Variants in KANSL3 observed in about 807,000 individuals in gnomAD.
The protein encoded by KANSL3 is NSL complex protein NSL3.
KANSL3 carries 16 observed loss-of-function variants against 89.2 expected under a neutral mutation model. The observed-to-expected ratio is 0.18, with a 90% CI of 0.12 to 0.27. KANSL3 has a LOEUF of 0.27. KANSL3 is among the 10% of genes least tolerant of loss of function. The pLI, the probability that KANSL3 is intolerant of heterozygous loss-of-function variation, is 1.00. For missense variants in KANSL3, 879 were observed against 1,110.6 expected (o/e 0.79, Z 2.96); for synonymous variants, 385 against 419.7 (o/e 0.92, Z 1.01).
Position 96,608,605 on chromosome 2 carries a change from C to G in KANSL3, c.1644G>C (p.Val548=), listed in dbSNP as rs1486471705. Residue 548 remains valine, a synonymous_variant, in exon 14 of 21, where the codon GTG becomes GTC. Coordinates refer to ENST00000431828, the MANE Select transcript of KANSL3 (RefSeq NM_001115016.3). ...TCTGACTGGACTTCTGGGCAGAGGT[C>G]ACTGTGGTCACTTTGGTCTTGGGAC... ...TSSPKTKVTT[V]TSAQKSSQIG... 1.2e-6 allele frequency: 2 copies of G among 1,614,018 alleles called. No homozygotes were observed.
intron 2 of KANSL3, among the ~76,000 whole-genome samples, chr2:96,635,685 C>T (rs1385277684): frequency 1.3e-5 from 2 of 152,182 alleles, no homozygotes. Context: ...CACTATTCTG[C>T]ACATGTTTAA....
intron 20 of KANSL3, chr2:96,601,297 C>A (rs1033041696): frequency 8.1e-6 from 8 of 983,292 alleles, no homozygotes; most frequent in Non-Finnish European, 9.7e-6. Context: ...AAAGAAAGAG[C>A]ATTAGCCAAG....
At position 96,608,942 on chromosome 2, in the gene KANSL3, C is replaced by T; in HGVS notation, c.1506G>A (p.Leu502=). 1 of 1,567,420 alleles carries T rather than the reference C, an allele frequency of 6.4e-7. No homozygotes were observed. Among genetic ancestry groups the T allele is most frequent in the Non-Finnish European group, 8.7e-7 (1 of 1,155,974 alleles). ...TGCCCCGCTCAGGGACTTCAAAGGC[C>T]AAGTCTCTGCGGGCCACATCGCGGG... ...KKPRDVARRD[L]AFEVPERGSR... Residue 502 remains leucine, a synonymous_variant, in exon 13 of 21, where the codon TTG becomes TTA. Coordinates refer to ENST00000431828, the MANE Select transcript of KANSL3 (RefSeq NM_001115016.3).
chr2:96,606,852 G>C (rs1252920387), intron 14 of KANSL3: 1 of 438,008 alleles, frequency 2.3e-6, no homozygotes, highest in Non-Finnish European at 4.1e-6. Flanking sequence ...CAAAGAAAGA[G>C]AGAGAAAAGA....
At chr2:96,622,930 C>A (rs2071575241) in intron 3 of KANSL3, among the ~76,000 whole-genome samples, 1 of 152,222 alleles carries the variant, frequency 6.6e-6, no homozygotes, top group Non-Finnish European at 1.5e-5. Flanking sequence ...CTTGCTCTGA[C>A]CTATCCCTAT....
intron 3 of KANSL3, among the ~76,000 whole-genome samples, chr2:96,622,674 A>G (rs1406708351): frequency 6.6e-6 from 1 of 152,196 alleles, no homozygotes; most frequent in African/African-American, 2.4e-5. Context: ...GCTAAAAGCC[A>G]AAGTCCTTGC....
Position 96,619,905 on chromosome 2 carries a change from C to A in KANSL3, c.387-143G>T, listed in dbSNP as rs150487558. The A allele has an allele frequency of 5.7e-4, 369 of 652,862 alleles. 1 individual carries two copies. The highest frequency in any genetic ancestry group is 2.1e-3 in the Middle Eastern group (6 of 2,914). 40.4% of individuals were successfully genotyped at this position (652,862 alleles called of 1,614,324 possible). Reference sequence around the variant, plus strand: ...AAGTAGCTTAGTCTAAGACCACTGACCTAAAACACAAGACCTAGATTCTTC... The same window carrying A: ...AAGTAGCTTAGTCTAAGACCACTGAACTAAAACACAAGACCTAGATTCTTC... On this transcript the variant is annotated intron_variant, in intron 3 of 20. Transcript: ENST00000431828.
chr2:96,602,170 C>T lies in KANSL3; in HGVS notation c.2428G>A (p.Ala810Thr), dbSNP rs1252975092. The T allele has an allele frequency of 6.2e-7, 1 of 1,600,994 alleles. No homozygotes were observed. The highest frequency in any genetic ancestry group is 8.5e-7 in the Non-Finnish European group (1 of 1,174,012). The change falls in exon 19 of 21, where the codon GCT becomes ACT. Residue 810 changes from alanine (A) to threonine (T), a missense_variant. Coordinates refer to ENST00000431828, the MANE Select transcript of KANSL3 (RefSeq NM_001115016.3). ...CCAGGGAGGCTGCTTGCCAACTTAG[C>T]GAGGCCCCCATTGGTCAGCAGCTGG... ...IHQLLTNGGLAKLASSLPGLA... is the reference protein window; with the variant it reads ...IHQLLTNGGLTKLASSLPGLA...
the KANSL3 span, among the ~76,000 whole-genome samples, chr2:96,584,700 AT>A: frequency 5.3e-5 from 8 of 151,902 alleles, no homozygotes; most frequent in African/African-American, 7.2e-5. Flanking sequence ...AAATGACAGA[AT>A]TTTTTTTTAA....
chr2:96,619,619 A>C, intron 4 of KANSL3, 53 bp downstream of exon 4: 1 of 1,602,458 alleles, frequency 6.2e-7, no homozygotes, highest in Non-Finnish European at 8.5e-7. Context: ...TCAGTCAGCC[A>C]GTGAGGCCTG....
intron 14 of KANSL3, chr2:96,607,155 T>G (rs1207610751): frequency 3.7e-6 from 2 of 534,548 alleles, no homozygotes; most frequent in African/African-American, 4.0e-5. Context: ...GGGCTCCTTC[T>G]GAAATTACTG....
the KANSL3 span, among the ~76,000 whole-genome samples, chr2:96,580,582 G>C: frequency 1.3e-5 from 2 of 152,304 alleles, no homozygotes; most frequent in Admixed American, 6.5e-5. Flanking sequence ...TGGAGCAGAA[G>C]GATAGTGTGG....
At chr2:96,609,360 T>G (rs530653476) in intron 12 of KANSL3, 139 bp downstream of exon 12, 10 of 773,894 alleles carry the variant, frequency 1.3e-5, no homozygotes, top group African/African-American at 1.2e-4. Context: ...CATTTTTCTT[T>G]TCTTTGCTTA....
chr2:96,615,517 C>T, intron 5 of KANSL3: 1 of 1,287,356 alleles, frequency 7.8e-7, no homozygotes, highest in Non-Finnish European at 1.0e-6. Context: ...CTGCGAATTC[C>T]ATGCTACCCA....
At chr2:96,584,612 G>T in the KANSL3 span, among the ~76,000 whole-genome samples, 1 of 152,220 alleles carries the variant, frequency 6.6e-6, no homozygotes, top group Non-Finnish European at 1.5e-5. Context: ...GCTCCTACCT[G>T]TGGGTGAGAA....
intron 20 of KANSL3, chr2:96,601,314 C>T: frequency 1.0e-6 from 1 of 984,874 alleles, no homozygotes; most frequent in African/African-American, 1.7e-5. Flanking sequence ...CAAGTAGCCT[C>T]TACTCATAAC....
chr2:96,599,718 C>CACT, intron 20 of KANSL3: 2 of 608,322 alleles, frequency 3.3e-6, no homozygotes, highest in Non-Finnish European at 4.1e-6. Context: ...TATACAAAGC[C>CACT]ACTATAATTC....
intron 5 of KANSL3, among the ~76,000 whole-genome samples, chr2:96,618,890 G>T (rs2070721780): frequency 6.6e-6 from 1 of 152,232 alleles, no homozygotes; most frequent in South Asian, 2.1e-4. Flanking sequence ...TGATATGTTT[G>T]TACTGAATTA....
chr2:96,620,945 T>C (rs993115698), intron 3 of KANSL3, among the ~76,000 whole-genome samples: 6 of 152,056 alleles, frequency 3.9e-5, no homozygotes, highest in Admixed American at 3.9e-4. Context: ...GAGGCTGCAG[T>C]GAGCCGTGAT....
Sources: allele counts gnomAD v4.1 joint callset (sites outside exome capture counted in the v4.1 genomes callset), GRCh38; gene constraint gnomAD v4.1.1; transcripts MANE v1.5; gene names NCBI Gene and HGNC (gene_info 2026-07-23, HGNC 2026-07-21).